The following ROBO2 variants were observed in gnomAD, a reference collection of about 807,000 sequenced individuals.
ROBO2 encodes the protein roundabout guidance receptor 2.
ROBO2 carries 53 observed loss-of-function variants against 160.8 expected under a neutral mutation model. The observed-to-expected ratio is 0.33, with a 90% CI of 0.26 to 0.41. ROBO2 has a LOEUF of 0.41. ROBO2 is among the 10% of genes least tolerant of loss of function. The pLI, the probability that ROBO2 is intolerant of heterozygous loss-of-function variation, is 1.00. For synonymous variants in ROBO2, 664 were observed against 611.7 expected (o/e 1.09, Z -1.26); for missense variants, 1,577 against 1,722.4 (o/e 0.92, Z 1.49).
chr3:77,094,638 A>G (rs2070791113), intron 1 of ROBO2, among the ~76,000 whole-genome samples: 1 of 152,196 alleles, frequency 6.6e-6, no homozygotes, highest in Non-Finnish European at 1.5e-5. Context: ...TGTATGATTT[A>G]AATTCACACT....
chr3:76,980,026 A>G (rs2060015594), intron 2 of ROBO2, among the ~76,000 whole-genome samples: 1 of 152,098 alleles, frequency 6.6e-6, no homozygotes, highest in Admixed American at 6.6e-5. Context: ...GTGTTTGGTG[A>G]TGATACTAGA....
intron 2 of ROBO2, among the ~76,000 whole-genome samples, chr3:77,437,101 G>A (rs2079372464): frequency 6.6e-6 from 1 of 151,928 alleles, no homozygotes; most frequent in Non-Finnish European, 1.5e-5. Flanking sequence ...CACATCTTCT[G>A]TTATTCATAA....
intron 2 of ROBO2, among the ~76,000 whole-genome samples, chr3:76,056,078 AAAAC>A (rs527685361): frequency 4.4e-3 from 677 of 152,376 alleles, no homozygotes; most frequent in Admixed American, 7.4e-3. Flanking sequence ...GAGAAAATGA[AAAAC>A]AAAAAAAGAT....
intron 2 of ROBO2, among the ~76,000 whole-genome samples, chr3:75,978,439 C>T (rs1403529358): frequency 1.3e-5 from 2 of 151,386 alleles, no homozygotes; most frequent in Admixed American, 6.6e-5. Flanking sequence ...TGATGGTGTT[C>T]ACCAAAATTT....
At chr3:76,250,513 T>G (rs1705926487) in intron 2 of ROBO2, among the ~76,000 whole-genome samples, 1 of 152,006 alleles carries the variant, frequency 6.6e-6, no homozygotes. Context: ...TGTAGGAGAG[T>G]TTGGGTTGCC....
At chr3:77,403,110 A>G (rs549181590) in intron 2 of ROBO2, among the ~76,000 whole-genome samples, 1 of 152,338 alleles carries the variant, frequency 6.6e-6, no homozygotes, top group East Asian at 1.9e-4. Flanking sequence ...ATTATAACTG[A>G]CAAAATTATG....
rs372561064 is a variant in ROBO2, at chr3:77,228,647, T to C, written c.388+130307T>C. ...AGAAATACCTAATGTAGATGACCCG[T>C]TGATGGGTGCAGCAAACCAACATGG... On this transcript the variant is annotated intron_variant, in intron 2 of 25. Transcript: ENST00000461745. Among the ~76,000 whole-genome samples, 4 of 152,228 alleles carry C rather than the reference T, an allele frequency of 2.6e-5. No individual in the cohort carries two copies. The South Asian group carries it at 6.2e-4, about 24-fold the overall frequency.
intron 2 of ROBO2, among the ~76,000 whole-genome samples, chr3:76,933,349 A>G (rs1469684470): frequency 6.6e-6 from 1 of 152,208 alleles, no homozygotes; most frequent in Non-Finnish European, 1.5e-5. Flanking sequence ...TAATTACTTC[A>G]GCAAATTTTT....
chr3:76,880,532 A>G lies in ROBO2; in HGVS notation c.110-217482A>G, dbSNP rs11928882. 5.3e-3 allele frequency among the ~76,000 whole-genome samples: 810 copies of G among 152,274 alleles called. 6 individuals are homozygous for G. Among genetic ancestry groups the G allele is most frequent in the African/African-American group, 0.019 (782 of 41,556 alleles). ...TCAAACTTTAAATATAAAACATTTC[A>G]TTTATAACTAGTTCATTAGACATGT... is the stretch of plus-strand genomic sequence containing the variant. On this transcript the variant is annotated intron_variant, in intron 2 of 26. Coordinates refer to the ROBO2 transcript ENST00000487694.
intron 1 of ROBO2, among the ~76,000 whole-genome samples, chr3:77,096,452 CTTT>C (rs535870944): frequency 1.4e-5 from 2 of 142,884 alleles, no homozygotes. Context: ...TTTTCTTTTT[CTTT>C]TTTTTTTTTT....
At chr3:77,372,907 C>T (rs1351314592) in intron 2 of ROBO2, among the ~76,000 whole-genome samples, 1 of 151,894 alleles carries the variant, frequency 6.6e-6, no homozygotes, top group African/African-American at 2.4e-5. Context: ...GTATTTTTGA[C>T]AGCTGACAGT....
intron 2 of ROBO2, among the ~76,000 whole-genome samples, chr3:77,200,875 A>G (rs1229407152): frequency 6.6e-6 from 1 of 152,194 alleles, no homozygotes; most frequent in Non-Finnish European, 1.5e-5. Flanking sequence ...ACCATAGGCC[A>G]GGCACACCTT....
chr3:76,323,731 A>T (rs2072771473), intron 2 of ROBO2, among the ~76,000 whole-genome samples: 1 of 152,182 alleles, frequency 6.6e-6, no homozygotes, highest in Non-Finnish European at 1.5e-5. Flanking sequence ...TGGTTTTTGG[A>T]TTTCCACGTG....
At chr3:76,339,323 A>C (rs1307863230) in intron 2 of ROBO2, among the ~76,000 whole-genome samples, 1 of 152,158 alleles carries the variant, frequency 6.6e-6, no homozygotes, top group African/African-American at 2.4e-5. Context: ...TATTTGCTGC[A>C]AGGTTTCATT....
At chr3:76,907,778 G>T (rs1216656588) in intron 2 of ROBO2, among the ~76,000 whole-genome samples, 2 of 151,664 alleles carry the variant, frequency 1.3e-5, no homozygotes, top group African/African-American at 4.9e-5. Context: ...TAGAGGAAAT[G>T]ACCCTCATGG....
chr3:76,103,937 G>T (rs887325176), intron 2 of ROBO2, among the ~76,000 whole-genome samples: 5 of 152,144 alleles, frequency 3.3e-5, no homozygotes, highest in African/African-American at 4.8e-5. Flanking sequence ...AACCATCTCA[G>T]GTTTGAGAGG....
chr3:76,175,044 A>G (rs1306153713), intron 2 of ROBO2, among the ~76,000 whole-genome samples: 1 of 152,072 alleles, frequency 6.6e-6, no homozygotes, highest in African/African-American at 2.4e-5. Flanking sequence ...TTTATTGAGC[A>G]GTGGTTTGTA....
At chr3:75,923,164 T>A (rs1422184917) in intron 1 of ROBO2, among the ~76,000 whole-genome samples, 1 of 152,126 alleles carries the variant, frequency 6.6e-6, no homozygotes, top group Non-Finnish European at 1.5e-5. Context: ...ATACACACAG[T>A]TTTTGATGCA....
At chr3:76,110,155 A>T (rs1170720174) in intron 2 of ROBO2, among the ~76,000 whole-genome samples, 1 of 151,872 alleles carries the variant, frequency 6.6e-6, no homozygotes, top group Non-Finnish European at 1.5e-5. Context: ...TTTCAATATC[A>T]GTTTATAGGT....
Sources: gnomAD v4.1 joint callset for allele counts (sites outside exome capture counted in the v4.1 genomes callset) on GRCh38, gnomAD v4.1.1 for gene constraint, MANE v1.5 for transcripts, NCBI Gene and HGNC (gene_info 2026-07-23, HGNC 2026-07-21) for gene names.